The following SBF2 variants were observed in gnomAD, a reference collection of about 807,000 sequenced individuals.
The protein encoded by SBF2 is myotubularin-related protein 13.
SBF2 carries 112 observed loss-of-function variants against 225.2 expected under a neutral mutation model. The ratio of observed to expected loss-of-function variants is 0.50; its 90% confidence interval spans 0.43 to 0.58. SBF2 has a LOEUF of 0.58. Ranked by LOEUF, SBF2 falls within the 20% of genes least tolerant of loss-of-function variation. The probability of loss-of-function intolerance (pLI) is 0.00; values close to 1 mark genes in which losing one functional copy is unlikely to be tolerated. For synonymous variants in SBF2, 763 were observed against 773.3 expected (o/e 0.99, Z 0.22); for missense variants, 1,996 against 2,206.2 (o/e 0.90, Z 1.91).
chr11:10,195,082 C>T (rs1023545230), intron 1 of SBF2, among the ~76,000 whole-genome samples: 1 of 152,090 alleles, frequency 6.6e-6, no homozygotes, highest in Non-Finnish European at 1.5e-5. Flanking sequence ...GGAACTTGAC[C>T]ATTGTTTAGG....
At chr11:10,237,332 G>A (rs548286630) in intron 1 of SBF2, among the ~76,000 whole-genome samples, 35 of 152,106 alleles carry the variant, frequency 2.3e-4, no homozygotes, top group Non-Finnish European at 4.3e-4. Flanking sequence ...GAGCAACACA[G>A]CGAGACTCTG....
intron 1 of SBF2, among the ~76,000 whole-genome samples, chr11:10,277,132 CAAA>C (rs11310738): frequency 0.13 from 9,610 of 73,324 alleles, 219 homozygotes; most frequent in South Asian, 0.17. Context: ...GACCCCATCT[CAAA>C]AAAAAAAAAA....
intron 1 of SBF2, among the ~76,000 whole-genome samples, chr11:10,198,890 C>T (rs557024019): frequency 1.3e-5 from 2 of 152,302 alleles, no homozygotes; most frequent in African/African-American, 2.4e-5. Flanking sequence ...GAGTTAGGGC[C>T]TTGTGCTGAG....
intron 2 of SBF2, among the ~76,000 whole-genome samples, chr11:10,113,145 C>G (rs1432498445): frequency 6.6e-6 from 1 of 152,102 alleles, no homozygotes; most frequent in Non-Finnish European, 1.5e-5. Context: ...AGGTGCACAC[C>G]ACCACATCTG....
intron 14 of SBF2, among the ~76,000 whole-genome samples, chr11:9,966,143 T>C (rs1438753972): frequency 6.6e-6 from 1 of 152,122 alleles, no homozygotes; most frequent in Non-Finnish European, 1.5e-5. Flanking sequence ...TGGAGTACAG[T>C]GGTGCGATCT....
chr11:9,805,171 G>A (rs1187476748), intron 32 of SBF2, among the ~76,000 whole-genome samples: 1 of 148,886 alleles, frequency 6.7e-6, no homozygotes, highest in African/African-American at 2.5e-5. Context: ...GCGTGAGCCT[G>A]GGAGGCGGAG....
chr11:9,795,743 G>T, intron 33 of SBF2, 88 bp downstream of exon 33: 1 of 1,481,668 alleles, frequency 6.7e-7, no homozygotes. Flanking sequence ...CAGCTTGTCA[G>T]TCTTGGGGAT....
chr11:9,876,705 A>G (rs1466547850), intron 17 of SBF2, among the ~76,000 whole-genome samples: 2 of 152,208 alleles, frequency 1.3e-5, no homozygotes. Flanking sequence ...TCGATATGGC[A>G]GCCTAAGCAG....
rs182733214 is a variant in SBF2, at chr11:9,969,976, T to A, written c.1396-1431A>T. Reference sequence around the variant, plus strand: ...TTAAATGTGTCAGCTAATATTTTTGTAGACTCTTTGGGTTGGCATGAACTT... The same window carrying A: ...TTAAATGTGTCAGCTAATATTTTTGAAGACTCTTTGGGTTGGCATGAACTT... On this transcript the variant is annotated intron_variant, in intron 13 of 39. Coordinates refer to ENST00000256190, the MANE Select transcript of SBF2 (RefSeq NM_030962.4). Among the ~76,000 whole-genome samples the A allele has an allele frequency of 4.7e-4, 71 of 152,266 alleles. No homozygotes were observed. In the East Asian group the frequency reaches 0.011, roughly 23 times the overall value.
chr11:10,067,500 T>C (rs565642532), intron 2 of SBF2, among the ~76,000 whole-genome samples: 34 of 152,050 alleles, frequency 2.2e-4, no homozygotes, highest in Non-Finnish European at 4.6e-4. Context: ...GAAGTAACAC[T>C]ACCTGATTCC....
intron 16 of SBF2, among the ~76,000 whole-genome samples, chr11:9,923,503 T>A (rs917177254): frequency 2.0e-5 from 3 of 152,240 alleles, no homozygotes; most frequent in African/African-American, 7.2e-5. Context: ...TCACGGCCAC[T>A]GTTTACTACA....
intron 1 of SBF2, among the ~76,000 whole-genome samples, chr11:10,289,789 A>G (rs1393096776): frequency 6.6e-6 from 1 of 152,084 alleles, no homozygotes; most frequent in Non-Finnish European, 1.5e-5. Flanking sequence ...CCAGACCCCC[A>G]TATCACACCT....
chr11:10,164,478 C>A (rs533690676), intron 2 of SBF2, among the ~76,000 whole-genome samples: 44 of 152,186 alleles, frequency 2.9e-4, no homozygotes, highest in African/African-American at 9.6e-4. Context: ...GATTTTAGCA[C>A]TGGAAATATT....
chr11:10,301,904 G>C (rs1006078096), intron 1 of SBF2, among the ~76,000 whole-genome samples: 9 of 152,226 alleles, frequency 5.9e-5, no homozygotes, highest in African/African-American at 9.6e-5. Flanking sequence ...ATTTATTACA[G>C]TGGTTTGGAG....
At chr11:9,972,698 G>T (rs1465539057) in intron 13 of SBF2, among the ~76,000 whole-genome samples, 1 of 152,054 alleles carries the variant, frequency 6.6e-6, no homozygotes, top group East Asian at 1.9e-4. Context: ...GTTCAGGCTG[G>T]TCTCAAACTT....
intron 1 of SBF2, among the ~76,000 whole-genome samples, chr11:10,246,512 A>T (rs965375242): frequency 5.9e-5 from 9 of 152,038 alleles, no homozygotes; most frequent in Admixed American, 4.6e-4. Context: ...TTGAACTCCA[A>T]CCTCAGGTGA....
chr11:10,159,067 T>C (rs143896363), intron 2 of SBF2, among the ~76,000 whole-genome samples: 94 of 150,294 alleles, frequency 6.3e-4, no homozygotes, highest in African/African-American at 2.2e-3. Flanking sequence ...CCTCTGAAAG[T>C]TTTTCCTCTA....
At chr11:9,844,168 C>T (rs1856374504) in intron 24 of SBF2, among the ~76,000 whole-genome samples, 1 of 152,194 alleles carries the variant, frequency 6.6e-6, no homozygotes, top group South Asian at 2.1e-4. Flanking sequence ...AGACAAGATG[C>T]TTGGTCCACT....
intron 16 of SBF2, among the ~76,000 whole-genome samples, chr11:9,914,685 A>G (rs1237567079): frequency 1.3e-5 from 2 of 152,182 alleles, no homozygotes; most frequent in African/African-American, 4.8e-5. Flanking sequence ...ATAACTGATA[A>G]GTGAGGCTTC....
Sources: gnomAD v4.1 joint callset for allele counts (sites outside exome capture counted in the v4.1 genomes callset) on GRCh38, gnomAD v4.1.1 for gene constraint, MANE v1.5 for transcripts, NCBI Gene and HGNC (gene_info 2026-07-23, HGNC 2026-07-21) for gene names.